The following ZNF705G variants were observed in gnomAD, a reference collection of about 807,000 sequenced individuals.
ZNF705G encodes the protein putative zinc finger protein 705G.
ZNF705G carries 23 observed loss-of-function variants against 19.6 expected under a neutral mutation model. The observed-to-expected ratio is 1.17, with a 90% CI of 0.84 to 1.66. ZNF705G has a LOEUF of 1.66. ZNF705G is among the 40% of genes most tolerant of loss of function. ZNF705G has a pLI of 0.00. For synonymous variants in ZNF705G, 146 were observed against 117.7 expected (o/e 1.24, Z -1.56); for missense variants, 457 against 354.4 (o/e 1.29, Z -2.32).
At chr8:7,370,399 T>A (rs1172738156) in intron 2 of ZNF705G, among the ~76,000 whole-genome samples, 1 of 149,662 alleles carries the variant, frequency 6.7e-6, no homozygotes, top group Non-Finnish European at 1.5e-5. Context: ...AAAACCACCA[T>A]GAAATATCAC....
At position 7,366,199 on chromosome 8, in the gene ZNF705G, T is replaced by C. The variant is rs574585040; in HGVS notation, c.-71-3182A>G. ...CGGGATTGCAAGTCAGATTACACTA[T>C]AAATGGAAAATCCTATTATCTTGAC... On this transcript the variant is annotated intron_variant, in intron 2 of 6. Coordinates refer to ENST00000400156, the MANE Select transcript of ZNF705G (RefSeq NM_001164457.3). Among the ~76,000 whole-genome samples, 26 of 93,364 alleles carry C rather than the reference T, an allele frequency of 2.8e-4. 4 individuals carry two copies. The highest frequency in any genetic ancestry group is 1.1e-3 in the African/African-American group (26 of 24,302). 61.3% of individuals were successfully genotyped at this position (93,364 alleles called of 152,430 possible). A position where few individuals can be genotyped will look rare whatever the true frequency, so the allele number is the denominator to read the frequency against.
In ZNF705G at chr8:7,359,603, C is replaced by T. The variant is rs1179052708; in HGVS notation, c.318+16G>A. On this transcript the variant is annotated intron_variant, in intron 6 of 6. Transcript: ENST00000400156. The stretch of plus-strand genomic sequence containing the variant: ...CTTTAACTTAGATGACTGGTGTACA[C>T]AGCTATAAAACTTACCATTGTCATA... 1 of 1,605,690 alleles carries T rather than the reference C, an allele frequency of 6.2e-7. No homozygotes were observed. The highest frequency in any genetic ancestry group is 8.5e-7 in the Non-Finnish European group (1 of 1,178,980).
At chr8:7,382,148 T>C (rs1488616267) in intron 1 of ZNF705G, among the ~76,000 whole-genome samples, 1 of 150,770 alleles carries the variant, frequency 6.6e-6, no homozygotes, top group Non-Finnish European at 1.5e-5. Flanking sequence ...CAAGAGCAAA[T>C]GACTCCACTC....
At chr8:7,368,797 C>T (rs561612136) in intron 2 of ZNF705G, among the ~76,000 whole-genome samples, 2 of 149,732 alleles carry the variant, frequency 1.3e-5, no homozygotes, top group South Asian at 4.2e-4. Flanking sequence ...GTCTCAGCCA[C>T]TCCAGCTCCA....
At chr8:7,384,325 G>A (rs1807636318) in intron 1 of ZNF705G, among the ~76,000 whole-genome samples, 1 of 145,484 alleles carries the variant, frequency 6.9e-6, no homozygotes, top group Admixed American at 6.6e-5. Context: ...GGAGTCAATT[G>A]CTACCCAATA....
Position 7,360,265 on chromosome 8 carries a change from T to G in ZNF705G, c.207A>C (p.Gly69=), listed in dbSNP as rs772863102. 36 of 1,592,128 alleles carry G rather than the reference T, an allele frequency of 2.3e-5. 2 individuals are homozygous for G. The highest frequency in any genetic ancestry group is 4.2e-5 in the African/African-American group (3 of 70,660). Residue 69 remains glycine (G), a synonymous_variant, in exon 5 of 7, where the codon GGA becomes GGC. Transcript: ENST00000400156. ...GATTCTGGTCTTGAAGAAATACTCT[T>G]CCTTCCCTCCACAGCTCTTTTCCTT... ...LEQGKELWRE[G]RVFLQDQNPN...
In ZNF705G at chr8:7,357,033, G is replaced by A. The variant is rs1806303692; in HGVS notation, c.*943C>T. The A allele has an allele frequency of 6.7e-6, 1 of 149,872 alleles. No homozygotes were observed. Among genetic ancestry groups the A allele is most frequent in the African/African-American group, 2.6e-5 (1 of 39,176 alleles). 9.3% of individuals were successfully genotyped at this position (149,872 alleles called of 1,614,324 possible). On this transcript the variant is annotated 3_prime_UTR_variant, in exon 7 of 7. Transcript: ENST00000400156. ...CAACTTCTTGACTCACTTTTCTGAT[G>A]AGAAATCTATCAGGTTTCTCCACAG... is the stretch of plus-strand genomic sequence containing the variant.
At chr8:7,369,335 A>G (rs1231364238) in intron 2 of ZNF705G, among the ~76,000 whole-genome samples, 1 of 149,564 alleles carries the variant, frequency 6.7e-6, no homozygotes, top group African/African-American at 2.6e-5. Context: ...TGGAGACTTC[A>G]TGGCAAATGT....
rs117582310 is a variant in ZNF705G at position 7,379,359 on chromosome 8, C to T, written c.-72+2093G>A. On this transcript the variant is annotated intron_variant, in intron 2 of 6. Transcript: ENST00000400156. ...TTTAATATATTTTTGCACTATATAA[C>T]ATTTATTTCTTAGAAAAGAAGCAGT... Among the ~76,000 whole-genome samples the T allele has an allele frequency of 8.0e-4, 118 of 147,402 alleles. No homozygotes were observed. In the East Asian group the frequency reaches 0.021, roughly 26 times the overall value.
chr8:7,361,635 C>T (rs551027168), intron 3 of ZNF705G, among the ~76,000 whole-genome samples: 2 of 149,800 alleles, frequency 1.3e-5, no homozygotes, highest in African/African-American at 2.6e-5. Context: ...ACTTCTTAAG[C>T]ATGACTCTGA....
intron 2 of ZNF705G, among the ~76,000 whole-genome samples, chr8:7,368,484 T>A (rs1391936868): frequency 6.7e-6 from 1 of 149,468 alleles, no homozygotes; most frequent in South Asian, 2.1e-4. Context: ...AAAGTTTCAA[T>A]GTTCATGATG....
intron 1 of ZNF705G, among the ~76,000 whole-genome samples, chr8:7,381,853 A>G (rs1204450014): frequency 3.3e-4 from 49 of 150,434 alleles, no homozygotes; most frequent in South Asian, 8.4e-4. Flanking sequence ...ATTCCCATGT[A>G]ACAAATCTGC....
In ZNF705G at chr8:7,357,666, T is replaced by C. The variant is rs199708713; in HGVS notation, c.*310A>G. ...CATGTCATACAATTTCTCTTCCATATGAATTTATTGATGTGGACTGAAGAA... is the reference window on the plus strand; with the variant it reads ...CATGTCATACAATTTCTCTTCCATACGAATTTATTGATGTGGACTGAAGAA... On this transcript the variant is annotated 3_prime_UTR_variant, in exon 7 of 7. Coordinates refer to ENST00000400156, the MANE Select transcript of ZNF705G (RefSeq NM_001164457.3). 3.1e-4 allele frequency: 155 copies of C among 494,134 alleles called. 1 individual carries two copies. The highest frequency in any genetic ancestry group is 1.2e-3 in the South Asian group (48 of 39,244). The allele number at this position is 494,134 out of a possible 1,614,324, so 30.6% of individuals were successfully genotyped here.
chr8:7,369,878 A>G (rs9720498), intron 2 of ZNF705G, among the ~76,000 whole-genome samples: 98,525 of 147,142 alleles, frequency 0.67, 30,026 homozygotes, highest in Admixed American at 0.73. Context: ...AGATACTGGG[A>G]ACTACTAGAG....
At chr8:7,361,308 G>A in intron 3 of ZNF705G, 72 bp from the exon 4 acceptor site, 3 of 1,591,296 alleles carry the variant, frequency 1.9e-6, no homozygotes, top group Admixed American at 1.7e-5. Flanking sequence ...AGGCTGAGAT[G>A]ACATAGCTAG....
intron 2 of ZNF705G, among the ~76,000 whole-genome samples, chr8:7,364,539 G>A (rs886227715): frequency 5.4e-5 from 8 of 149,422 alleles, no homozygotes; most frequent in African/African-American, 2.1e-4. Flanking sequence ...AAATGACCCA[G>A]CAATACTTTT....
At chr8:7,363,231 C>T (rs1806689221) in intron 2 of ZNF705G, among the ~76,000 whole-genome samples, 1 of 148,390 alleles carries the variant, frequency 6.7e-6, no homozygotes, top group Non-Finnish European at 1.5e-5. Context: ...ACACAGATAT[C>T]TTGTGAATGA....
rs1366900298 is a variant in ZNF705G, at chr8:7,384,302, A to G, written c.-222+1196T>C. ...TCCTACTGTTTGTCTCAGGAAAAAAAAAAATCTTAGGAGGAGTCAATTGCT... is the reference window on the plus strand; with the variant it reads ...TCCTACTGTTTGTCTCAGGAAAAAAGAAAATCTTAGGAGGAGTCAATTGCT... On this transcript the variant is annotated intron_variant, in intron 1 of 6. Coordinates refer to ENST00000400156, the MANE Select transcript of ZNF705G (RefSeq NM_001164457.3). Among the ~76,000 whole-genome samples the G allele has an allele frequency of 3.4e-5, 5 of 145,432 alleles. 1 individual carries two copies. Among genetic ancestry groups the G allele is most frequent in the Non-Finnish European group, 4.4e-5 (3 of 67,972 alleles).
rs887389661 is a variant in ZNF705G at position 7,355,678 on chromosome 8, C to A, written c.*2298G>T. 3 of 149,698 alleles carry A rather than the reference C, an allele frequency of 2.0e-5. No homozygotes were observed. The highest frequency in any genetic ancestry group is 7.7e-5 in the African/African-American group (3 of 39,064). 9.3% of individuals were successfully genotyped at this position (149,698 alleles called of 1,614,324 possible). A position where few individuals can be genotyped will look rare whatever the true frequency, so the allele number is the denominator to read the frequency against. On this transcript the variant is annotated 3_prime_UTR_variant, in exon 7 of 7. Coordinates refer to ENST00000400156, the MANE Select transcript of ZNF705G (RefSeq NM_001164457.3). ...TAATGGCTGGAGATCTGCCACCATG[C>A]ATTTGTCAAATCCCATAGAATTTCA... is the stretch of plus-strand genomic sequence containing the variant.
Sources: gnomAD v4.1 joint callset for allele counts (sites outside exome capture counted in the v4.1 genomes callset) on GRCh38, gnomAD v4.1.1 for gene constraint, MANE v1.5 for transcripts, NCBI Gene and HGNC (gene_info 2026-07-23, HGNC 2026-07-21) for gene names.